Variants in SHROOM4 observed in about 807,000 individuals in gnomAD.
The protein encoded by SHROOM4 is shroom family member 4, also known as protein Shroom4.
In SHROOM4, 17 loss-of-function variants were observed where a neutral mutation model predicts 80.3. The ratio of observed to expected loss-of-function variants is 0.21; its 90% CI spans 0.14 to 0.32. The LOEUF (loss-of-function observed/expected upper bound fraction) is 0.32, where lower values mean the gene tolerates loss of function less well. Among genes scored for constraint, SHROOM4 ranks in the 10% least tolerant of loss-of-function variants. SHROOM4 has a pLI of 1.00. For synonymous variants in SHROOM4, 400 were observed against 437.5 expected, an observed-to-expected ratio of 0.91 and a Z score of 1.07; for missense variants, 993 against 1,140.3, an observed-to-expected ratio of 0.87 and a Z score of 1.86.
At position 50,595,947 on chromosome X, in the gene SHROOM4, A is replaced by G. The variant is rs1406135140; in HGVS notation, c.*748T>C. On this transcript the variant is annotated 3_prime_UTR_variant, in exon 9 of 9. Transcript: ENST00000376020. ...GGCCCATATGGTGAAGCCCTGGGGT[A>G]GGCACCTGCGGTAACCCCCAGCAAT... 3.1e-6 allele frequency: 1 copy of G among 327,730 alleles called. No homozygotes were observed. Among genetic ancestry groups the G allele is most frequent in the Non-Finnish European group, 5.9e-6 (1 of 169,754 alleles). 27.0% of individuals were successfully genotyped at this position (327,730 alleles called of 1,213,427 possible).
At chrX:50,811,558 G>A (rs1425813384) in intron 1 of SHROOM4, among the ~76,000 whole-genome samples, 3 of 111,348 alleles carry the variant, frequency 2.7e-5, no homozygotes, top group Non-Finnish European at 5.6e-5. Flanking sequence ...TGTTTTCAAG[G>A]AGAAAGCTGT....
At chrX:50,780,070 A>G (rs930569522) in intron 1 of SHROOM4, among the ~76,000 whole-genome samples, 5 of 111,786 alleles carry the variant, frequency 4.5e-5, no homozygotes, top group African/African-American at 6.5e-5. Context: ...AAAGTATGCA[A>G]AAGAGTCTTG....
chrX:50,778,124 C>T (rs941795528), intron 1 of SHROOM4, among the ~76,000 whole-genome samples: 2 of 111,922 alleles, frequency 1.8e-5, no homozygotes. Context: ...TCTATCCACC[C>T]TCCACAATGT....
chrX:50,762,884 T>C (rs1001090014), intron 1 of SHROOM4, among the ~76,000 whole-genome samples: 18 of 112,090 alleles, frequency 1.6e-4, no homozygotes, highest in African/African-American at 5.2e-4. Context: ...TATATCTTTA[T>C]GCCTTTATCC....
intron 1 of SHROOM4, among the ~76,000 whole-genome samples, chrX:50,758,651 A>C (rs1935087543): frequency 8.9e-6 from 1 of 111,987 alleles, no homozygotes; most frequent in Admixed American, 9.5e-5. Context: ...CTATTTTCAT[A>C]AGGAATACTG....
At chrX:50,692,090 C>G (rs1405380477) in intron 2 of SHROOM4, among the ~76,000 whole-genome samples, 1 of 111,816 alleles carries the variant, frequency 8.9e-6, no homozygotes, top group East Asian at 2.8e-4. Context: ...ATAATTATAG[C>G]CACTCCTAAG....
intron 1 of SHROOM4, among the ~76,000 whole-genome samples, chrX:50,706,951 C>T (rs1557264012): frequency 9.0e-6 from 1 of 111,586 alleles, no homozygotes. Flanking sequence ...TTAAAACACA[C>T]ACAAGCCCTC....
chrX:50,640,921 G>A (rs1476632315), intron 2 of SHROOM4, among the ~76,000 whole-genome samples: 1 of 112,335 alleles, frequency 8.9e-6, no homozygotes, highest in Non-Finnish European at 1.9e-5. Context: ...AGTTTTCATG[G>A]CAGTAAAATG....
chrX:50,597,717 G>A (rs1338740505), intron 8 of SHROOM4, among the ~76,000 whole-genome samples: 4 of 112,155 alleles, frequency 3.6e-5, no homozygotes, highest in Non-Finnish European at 7.5e-5. Context: ...CATTTTACAG[G>A]TGAAGAGATT....
intron 1 of SHROOM4, among the ~76,000 whole-genome samples, chrX:50,751,800 T>C (rs1934924871): frequency 8.9e-6 from 1 of 112,149 alleles, no homozygotes; most frequent in Admixed American, 9.5e-5. Flanking sequence ...GACAGTAGTA[T>C]AGGGCAGTGG....
At chrX:50,624,345 A>G (rs1175843717) in intron 5 of SHROOM4, among the ~76,000 whole-genome samples, 5 of 111,133 alleles carry the variant, frequency 4.5e-5, no homozygotes, top group African/African-American at 1.6e-4. Context: ...CTTATCTTCT[A>G]CACTGGCAGA....
intron 1 of SHROOM4, among the ~76,000 whole-genome samples, chrX:50,778,192 G>A (rs782018898): frequency 2.3e-4 from 26 of 112,215 alleles, no homozygotes; most frequent in Non-Finnish European, 3.8e-4. Flanking sequence ...GCAGACTCTT[G>A]AGTACCCTTC....
chrX:50,777,631 T>G (rs1472486187), intron 1 of SHROOM4, among the ~76,000 whole-genome samples: 1 of 111,872 alleles, frequency 8.9e-6, no homozygotes, highest in Admixed American at 9.5e-5. Context: ...ACAGACAATA[T>G]GACCAGGAGT....
At chrX:50,584,461 T>C (rs1457735111), downstream of SHROOM4, among the ~76,000 whole-genome samples, 1 of 111,636 alleles carries the variant, frequency 9.0e-6, no homozygotes, top group South Asian at 3.8e-4. Flanking sequence ...CAAAATGACC[T>C]AGACAGGAGA....
chrX:50,781,931 G>A (rs782118459), intron 1 of SHROOM4, among the ~76,000 whole-genome samples: 6 of 111,558 alleles, frequency 5.4e-5, no homozygotes, highest in East Asian at 2.8e-4. Flanking sequence ...AAAATGGGCC[G>A]AGCGTAGCGG....
At chrX:50,737,658 A>G (rs1051234589) in intron 1 of SHROOM4, among the ~76,000 whole-genome samples, 1 of 111,279 alleles carries the variant, frequency 9.0e-6, no homozygotes, top group Non-Finnish European at 1.9e-5. Flanking sequence ...TAGACCAATA[A>G]CAGGCTCTGA....
At chrX:50,748,291 C>T (rs1398424952) in intron 1 of SHROOM4, among the ~76,000 whole-genome samples, 1 of 111,315 alleles carries the variant, frequency 9.0e-6, no homozygotes, top group Non-Finnish European at 1.9e-5. Context: ...GAAGATTAGA[C>T]CAGGATGCCT....
chrX:50,583,668 A>C (rs1023803235), downstream of SHROOM4, among the ~76,000 whole-genome samples: 8 of 111,212 alleles, frequency 7.2e-5, no homozygotes, highest in East Asian at 8.5e-4. Flanking sequence ...AGCCACTAGG[A>C]GGTGAGGGTG....
chrX:50,608,297 T>C (rs1419742739), intron 5 of SHROOM4, 113 bp from the exon 6 acceptor site: 2 of 597,062 alleles, frequency 3.3e-6, no homozygotes, highest in Non-Finnish European at 5.4e-6. Context: ...ATGTAGTATG[T>C]GTAGTAAATG....
Sources: allele counts gnomAD v4.1 joint callset (sites outside exome capture counted in the v4.1 genomes callset), GRCh38; gene constraint gnomAD v4.1.1; transcripts MANE v1.5; gene names NCBI Gene and HGNC (gene_info 2026-07-23, HGNC 2026-07-21).